HECTD4: variants seen among roughly 807,000 people sequenced by gnomAD.
HECTD4 encodes HECT domain E3 ubiquitin protein ligase 4, also known as probable E3 ubiquitin-protein ligase HECTD4.
HECTD4 carries 114 observed loss-of-function variants against 471.5 expected under a neutral mutation model. The observed-to-expected ratio is 0.24, with a 90% CI of 0.21 to 0.28. The LOEUF (loss-of-function observed/expected upper bound fraction) is 0.28, where lower values mean the gene tolerates loss of function less well. Among genes scored for constraint, HECTD4 ranks in the 10% least tolerant of loss-of-function variants. The pLI is 1.00. For missense variants in HECTD4, 3,866 were observed against 5,651.5 expected (o/e 0.68, Z 10.13); for synonymous variants, 2,012 against 2,256.0 (o/e 0.89, Z 3.07).
chr12:112,285,472 T>C (rs1203371314), intron 7 of HECTD4, among the ~76,000 whole-genome samples: 1 of 151,912 alleles, frequency 6.6e-6, no homozygotes, highest in Non-Finnish European at 1.5e-5. Flanking sequence ...TCATGCTGTT[T>C]CATTATCTAC....
At position 112,184,359 on chromosome 12, in the gene HECTD4, A is replaced by C; in HGVS notation, c.10607T>G (p.Leu3536Arg). 6.2e-7 allele frequency: 1 copy of C among 1,612,546 alleles called. No homozygotes were observed. Among genetic ancestry groups the C allele is most frequent in the Non-Finnish European group, 8.5e-7 (1 of 1,179,668 alleles). Residue 3536 changes from leucine to arginine, a missense_variant, in exon 61 of 76, where the codon CTG becomes CGG. Leu to Arg is a moderately radical substitution (Grantham distance 102). This residue lies in a region of HECTD4 where 192 missense variants were observed against 189.9 expected (regional missense o/e 1.01). Coordinates refer to ENST00000682272, the MANE Select transcript of HECTD4 (RefSeq NM_001388303.1). This position sits in a 1 kb window ranked among gnomAD's most constrained non-coding sequence, Gnocchi z 9.1. ...EPHAVSSQES[L>R]DISLCSTGSL... Reference sequence around the variant, plus strand: ...GCCGGTGCTGCACAGGGAAATGTCCAGGCTTTCCTGGCTGGACACCGCGTG... The same window carrying C: ...GCCGGTGCTGCACAGGGAAATGTCCCGGCTTTCCTGGCTGGACACCGCGTG...
In HECTD4 at chr12:112,163,859, C is replaced by T; in HGVS notation, c.12702-122G>A. 1 of 971,364 alleles carries T rather than the reference C, an allele frequency of 1.0e-6. No individual in the cohort carries two copies. Among genetic ancestry groups the T allele is most frequent in the Non-Finnish European group, 1.4e-6 (1 of 700,234 alleles). 60.2% of individuals were successfully genotyped at this position (971,364 alleles called of 1,614,324 possible). ...GGGAGAGGCCTGGGGCCCAGCCGCC[C>T]TGGTCATCCCAGTCCTTTCCTGCCT... On this transcript the variant is annotated intron_variant, in intron 73 of 75. Transcript: ENST00000682272. This position sits in a 1 kb window ranked among gnomAD's most constrained non-coding sequence, Gnocchi z 8.2.
intron 9 of HECTD4, 55 bp downstream of exon 9, chr12:112,279,173 A>T (rs1305088135): frequency 2.7e-6 from 4 of 1,481,072 alleles, no homozygotes; most frequent in Non-Finnish European, 3.7e-6. Flanking sequence ...GGAAAGCTTT[A>T]AATTTCAGAG....
Position 112,241,177 on chromosome 12 carries a change from C to T in HECTD4, c.4959-1150G>A, listed in dbSNP as rs543712946. Among the ~76,000 whole-genome samples the T allele has an allele frequency of 1.5e-4, 23 of 152,026 alleles. No individual in the cohort carries two copies. In the South Asian group the frequency reaches 4.6e-3, roughly 30 times the overall value. On this transcript the variant is annotated intron_variant, in intron 32 of 75. Transcript: ENST00000682272. ...TCATTGTATTTTTTGGCATTTTCTA[C>T]ATTTTTTTTTCAAGTTTCTGACAAA...
intron 34 of HECTD4, among the ~76,000 whole-genome samples, chr12:112,237,560 C>T (rs748166077): frequency 7.2e-5 from 11 of 152,194 alleles, no homozygotes; most frequent in South Asian, 2.1e-4. Context: ...AGTCTACACA[C>T]GCTGTTTGTT....
rs1242959633 is a variant in HECTD4, at chr12:112,175,822, G to A, written c.11508C>T (p.His3836=). The change falls in exon 66 of 76, where the codon CAC becomes CAT. Residue 3836 remains histidine (H), a synonymous_variant. Coordinates refer to ENST00000682272, the MANE Select transcript of HECTD4 (RefSeq NM_001388303.1). Reference sequence around the variant, plus strand: ...GCCTGGCTCGGTCAATAACAAATTTGTGAAATCCTTCCAGCGTCAGGTATT... The same window carrying A: ...GCCTGGCTCGGTCAATAACAAATTTATGAAATCCTTCCAGCGTCAGGTATT... ...EEKYLTLEGF[H]KFVIDRARQD... The A allele has an allele frequency of 3.1e-6, 5 of 1,613,534 alleles. No homozygotes were observed. Among genetic ancestry groups the A allele is most frequent in the Non-Finnish European group, 4.2e-6 (5 of 1,179,756 alleles).
intron 48 of HECTD4, among the ~76,000 whole-genome samples, chr12:112,215,056 G>A (rs1337352339): frequency 6.6e-6 from 1 of 152,138 alleles, no homozygotes; most frequent in African/African-American, 2.4e-5. Context: ...GGGAGGCTAC[G>A]GCAGGAGAAT....
intron 1 of HECTD4, among the ~76,000 whole-genome samples, chr12:112,341,160 G>A (rs2036047261): frequency 6.6e-6 from 1 of 152,174 alleles, no homozygotes; most frequent in African/African-American, 2.4e-5. Flanking sequence ...TACTGAATGA[G>A]CAGCAGATTA....
At chr12:112,379,929 T>TA (rs887704516) in intron 1 of HECTD4, among the ~76,000 whole-genome samples, 53 of 147,216 alleles carry the variant, frequency 3.6e-4, no homozygotes, top group East Asian at 5.9e-4. Flanking sequence ...AAAAAGCAAT[T>TA]AAAAAAAAAA....
Position 112,164,111 on chromosome 12 carries a change from C to A in HECTD4, c.12699G>T (p.Val4233=). 6.3e-7 allele frequency: 1 copy of A among 1,586,704 alleles called. No individual in the cohort carries two copies. Among genetic ancestry groups the A allele is most frequent in the Non-Finnish European group, 8.6e-7 (1 of 1,165,754 alleles). Residue 4233 remains valine (V), a splice_region_variant and synonymous_variant, in exon 73 of 76, where the codon GTG becomes GTT. Coordinates refer to ENST00000682272, the MANE Select transcript of HECTD4 (RefSeq NM_001388303.1). ...CCCTGACACGCGCACACACTCACGC[C>A]ACAAGGATGTGCCGGCCCCGGCTGC... ...ELCSRGRHIL[V]AWENKDIYAA... is the part of the protein sequence containing the mutation.
rs2032179155 is a variant in HECTD4, at chr12:112,194,627, A to G, written c.8749+258T>C. Among the ~76,000 whole-genome samples, 1 of 152,226 alleles carries G rather than the reference A, an allele frequency of 6.6e-6. No individual in the cohort carries two copies. Among genetic ancestry groups the G allele is most frequent in the Non-Finnish European group, 1.5e-5 (1 of 68,040 alleles). Reference sequence around the variant, plus strand: ...TGACTTGGTTTCATAAGTAATACTTAATTTTCCTTGATCCACAATTACGTT... The same window carrying G: ...TGACTTGGTTTCATAAGTAATACTTGATTTTCCTTGATCCACAATTACGTT... On this transcript the variant is annotated intron_variant, in intron 56 of 75. Transcript: ENST00000682272. The surrounding 1 kb of genome is among the most constrained non-coding windows in gnomAD (Gnocchi z 4.6).
intron 52 of HECTD4, among the ~76,000 whole-genome samples, chr12:112,207,622 G>GTATA (rs559526301): frequency 0.013 from 1,971 of 152,254 alleles, 50 homozygotes; most frequent in African/African-American, 0.045. Flanking sequence ...CCAGACCACA[G>GTATA]AGTTTCCCAG....
chr12:112,294,562 A>C (rs1228077320), intron 7 of HECTD4, among the ~76,000 whole-genome samples: 1 of 152,062 alleles, frequency 6.6e-6, no homozygotes, highest in Non-Finnish European at 1.5e-5. Flanking sequence ...TCCCCCTCCG[A>C]TTTCTCTCCT....
At chr12:112,218,181 A>AAC (rs1456427996) in intron 45 of HECTD4, among the ~76,000 whole-genome samples, 1 of 151,994 alleles carries the variant, frequency 6.6e-6, no homozygotes, top group African/African-American at 2.4e-5. Flanking sequence ...AAATTCATAT[A>AAC]ACACACAATT....
chr12:112,363,485 T>G (rs374778834), intron 1 of HECTD4, among the ~76,000 whole-genome samples: 15 of 152,082 alleles, frequency 9.9e-5, no homozygotes, highest in African/African-American at 3.6e-4. Context: ...ATGTGCAAAA[T>G]AAATAGAATA....
rs1363352427 is a variant in HECTD4, at chr12:112,208,721, A to C, written c.7868-91T>G. 1.6e-5 allele frequency: 19 copies of C among 1,181,552 alleles called. No homozygotes were observed. In the African/African-American group the frequency reaches 2.2e-4, roughly 13 times the overall value. 73.2% of individuals were successfully genotyped at this position (1,181,552 alleles called of 1,614,324 possible). A position where few individuals can be genotyped will look rare whatever the true frequency, so the allele number is the denominator to read the frequency against. On this transcript the variant is annotated intron_variant, in intron 50 of 75. Coordinates refer to ENST00000682272, the MANE Select transcript of HECTD4 (RefSeq NM_001388303.1). ...ACCCTTAGACAAACCAGATTATCTT[A>C]ATTTGCATGATAGGAAGACTCCTAG... is the stretch of plus-strand genomic sequence containing the variant.
In HECTD4 at chr12:112,281,057, C is replaced by G. The variant is rs552540864; in HGVS notation, c.1529-1671G>C. On this transcript the variant is annotated intron_variant, in intron 8 of 75. Coordinates refer to ENST00000682272, the MANE Select transcript of HECTD4 (RefSeq NM_001388303.1). ...CCACCCACCTCAGCCTCCCAAAATG[C>G]TGGGATTATAGGCATAAGCCACTGC... 2.0e-5 allele frequency among the ~76,000 whole-genome samples: 3 copies of G among 152,280 alleles called. No individual in the cohort carries two copies. The East Asian group carries it at 5.8e-4, about 29-fold the overall frequency.
chr12:112,179,411 A>AG lies in HECTD4; in HGVS notation c.10988-15dup, dbSNP rs746467944. The AG allele has an allele frequency of 9.4e-6, 15 of 1,599,118 alleles. No homozygotes were observed. Among genetic ancestry groups the AG allele is most frequent in the Middle Eastern group, 1.7e-4 (1 of 6,040 alleles). ...CCAGCTTCTCCCCTGTTGGATGGAG[A>AG]GGGGGCAAAACAATTCTGCCGTGAA... On this transcript the variant is annotated splice_polypyrimidine_tract_variant and intron_variant, in intron 62 of 75. Coordinates refer to ENST00000682272, the MANE Select transcript of HECTD4 (RefSeq NM_001388303.1). This position sits in a 1 kb window ranked among gnomAD's most constrained non-coding sequence, Gnocchi z 4.3.
chr12:112,272,118 A>G (rs1362046878), intron 11 of HECTD4, among the ~76,000 whole-genome samples: 2 of 152,054 alleles, frequency 1.3e-5, no homozygotes, highest in Non-Finnish European at 2.9e-5. Flanking sequence ...GCATGATCTC[A>G]GCTCACTGCA....
Sources: allele counts gnomAD v4.1 joint callset (sites outside exome capture counted in the v4.1 genomes callset), GRCh38; gene constraint gnomAD v4.1.1; regional missense constraint gnomAD v4.1.1; non-coding constraint Gnocchi (gnomAD v3.1); transcripts MANE v1.5; gene names NCBI Gene and HGNC (gene_info 2026-07-23, HGNC 2026-07-21).